Variants in STX8 observed in about 807,000 individuals in gnomAD.
The protein encoded by STX8 is syntaxin 8, also known as syntaxin-8.
STX8 carries 23 observed loss-of-function variants against 37.5 expected under a neutral mutation model. The observed-to-expected ratio is 0.61, with a 90% CI of 0.44 to 0.87. STX8 has a LOEUF of 0.87. Ranked by LOEUF, STX8 falls within the 40% of genes least tolerant of loss-of-function variation. The pLI is 0.00. For synonymous variants in STX8, 115 were observed against 99.1 expected (o/e 1.16, Z -0.95); for missense variants, 313 against 284.7 (o/e 1.10, Z -0.71).
At chr17:9,341,505 C>G (rs572571300) in intron 7 of STX8, among the ~76,000 whole-genome samples, 1 of 152,206 alleles carries the variant, frequency 6.6e-6, no homozygotes, top group South Asian at 2.1e-4. Flanking sequence ...GGCGTGATCT[C>G]GGCTCACTGC....
chr17:9,473,659 A>AT (rs61630736), intron 6 of STX8, among the ~76,000 whole-genome samples: 3,099 of 152,254 alleles, frequency 0.02, 93 homozygotes, highest in African/African-American at 0.068. Context: ...TCAACCATCC[A>AT]TTTTTAAAAA....
At chr17:9,323,969 G>A (rs781654936) in intron 7 of STX8, among the ~76,000 whole-genome samples, 4 of 152,164 alleles carry the variant, frequency 2.6e-5, no homozygotes, top group Admixed American at 6.5e-5. Flanking sequence ...GCGCAGTGGG[G>A]CGGAGAGGCA....
Position 9,507,787 on chromosome 17 carries a change from C to T in STX8, c.324-2625G>A, listed in dbSNP as rs904173613. On this transcript the variant is annotated intron_variant, in intron 4 of 7. Transcript: ENST00000306357. The surrounding 1 kb of genome is among the most constrained non-coding windows in gnomAD (Gnocchi z 4.0). The stretch of plus-strand genomic sequence containing the variant: ...CCACCACAAAGCCTCTCAGCTGAGG[C>T]CACTGAGACACTCACAAATGTCACT... Among the ~76,000 whole-genome samples, 2 of 152,174 alleles carry T rather than the reference C, an allele frequency of 1.3e-5. No homozygotes were observed. Among genetic ancestry groups the T allele is most frequent in the Non-Finnish European group, 2.9e-5 (2 of 68,024 alleles).
chr17:9,383,493 A>G (rs1451670004), intron 6 of STX8, among the ~76,000 whole-genome samples: 3 of 152,234 alleles, frequency 2.0e-5, no homozygotes, highest in African/African-American at 7.2e-5. Flanking sequence ...AAGGCTATCT[A>G]TATTTAAAAC....
chr17:9,443,193 T>C (rs2142389898), intron 6 of STX8, among the ~76,000 whole-genome samples: 1 of 152,272 alleles, frequency 6.6e-6, no homozygotes, highest in South Asian at 2.1e-4. Context: ...TGGAGGATCA[T>C]ATATCCAAAA....
At chr17:9,288,789 G>A (rs1353501686) in intron 7 of STX8, among the ~76,000 whole-genome samples, 2 of 151,724 alleles carry the variant, frequency 1.3e-5, no homozygotes, top group Non-Finnish European at 2.9e-5. Context: ...GAGAAAATAA[G>A]GAAATTCAAG....
At chr17:9,261,371 G>T (rs1907027607) in intron 7 of STX8, among the ~76,000 whole-genome samples, 1 of 152,234 alleles carries the variant, frequency 6.6e-6, no homozygotes, top group South Asian at 2.1e-4. Context: ...CACTAGAACT[G>T]ATCTCTTATC....
At chr17:9,505,542 G>C (rs760532181) in intron 4 of STX8, among the ~76,000 whole-genome samples, 1 of 152,166 alleles carries the variant, frequency 6.6e-6, no homozygotes, top group Non-Finnish European at 1.5e-5. Context: ...CAGAGGCTAC[G>C]TGACCCCAAA....
At chr17:9,282,435 G>A (rs1480021530) in intron 7 of STX8, among the ~76,000 whole-genome samples, 1 of 152,154 alleles carries the variant, frequency 6.6e-6, no homozygotes, top group Non-Finnish European at 1.5e-5. Flanking sequence ...CACCCGGCCT[G>A]ATGACATTTT....
chr17:9,440,895 C>T (rs7207091), intron 6 of STX8, among the ~76,000 whole-genome samples: 105,942 of 151,986 alleles, frequency 0.7, 37,584 homozygotes, highest in East Asian at 0.83. Flanking sequence ...CTTGAAATGC[C>T]GGCTCCATAT....
intron 7 of STX8, among the ~76,000 whole-genome samples, chr17:9,274,513 A>C (rs987752499): frequency 6.6e-6 from 1 of 151,096 alleles, no homozygotes; most frequent in African/African-American, 2.4e-5. Flanking sequence ...TGTCTCTACT[A>C]AAAATACAAA....
chr17:9,377,369 T>C (rs1408110627), intron 7 of STX8, among the ~76,000 whole-genome samples: 1 of 152,048 alleles, frequency 6.6e-6, no homozygotes, highest in African/African-American at 2.4e-5. Flanking sequence ...AAGACAATCA[T>C]GGCTCACTGC....
intron 5 of STX8, among the ~76,000 whole-genome samples, chr17:9,494,109 G>A (rs1290427046): frequency 1.3e-5 from 2 of 151,254 alleles, no homozygotes; most frequent in Admixed American, 6.6e-5. Context: ...TCCACCTCCC[G>A]GGTTCACGCC....
In STX8 at chr17:9,260,713, C is replaced by CT. The variant is rs1285624062; in HGVS notation, c.644-10069dup. 7.9e-5 allele frequency among the ~76,000 whole-genome samples: 12 copies of CT among 152,288 alleles called. No individual in the cohort carries two copies. In the South Asian group the frequency reaches 1.9e-3, roughly 24 times the overall value. On this transcript the variant is annotated intron_variant, in intron 7 of 7. Transcript: ENST00000306357. ...GGCCAGGCCAGTGTCCCCCATGTGC[C>CT]TGGGTGGGTTTGTGCTGAGGCAACA...
chr17:9,335,348 T>A (rs1008253034), intron 7 of STX8, among the ~76,000 whole-genome samples: 1 of 152,238 alleles, frequency 6.6e-6, no homozygotes, highest in Non-Finnish European at 1.5e-5. Context: ...GTGCTATTTC[T>A]TTTGCGGCAC....
intron 6 of STX8, among the ~76,000 whole-genome samples, chr17:9,386,424 G>A (rs1049791365): frequency 1.3e-5 from 2 of 152,106 alleles, no homozygotes; most frequent in Non-Finnish European, 2.9e-5. Flanking sequence ...TGGGGTGCTT[G>A]ACTAGAAAGG....
intron 7 of STX8, among the ~76,000 whole-genome samples, chr17:9,340,936 C>T (rs1232923019): frequency 2.0e-5 from 3 of 148,796 alleles, no homozygotes; most frequent in Admixed American, 1.3e-4. Flanking sequence ...GGATTACAGG[C>T]GTGGGCCACC....
At chr17:9,418,395 A>T (rs1013881917) in intron 6 of STX8, among the ~76,000 whole-genome samples, 9 of 152,086 alleles carry the variant, frequency 5.9e-5, no homozygotes, top group South Asian at 2.1e-4. Flanking sequence ...ATACATCCCC[A>T]TTAGGAGATG....
At chr17:9,354,318 C>CTTTTTTTTTTT (rs35460018) in intron 7 of STX8, among the ~76,000 whole-genome samples, 1 of 119,752 alleles carries the variant, frequency 8.4e-6, no homozygotes, top group African/African-American at 3.2e-5. Flanking sequence ...AATTGTCTCA[C>CTTTTTTTTTTT]TTTTTTTTTT....
Sources: gnomAD v4.1 joint callset for allele counts (sites outside exome capture counted in the v4.1 genomes callset) on GRCh38, gnomAD v4.1.1 for gene constraint, Gnocchi (gnomAD v3.1) non-coding constraint, MANE v1.5 for transcripts, NCBI Gene and HGNC (gene_info 2026-07-23, HGNC 2026-07-21) for gene names.